Variants in UNC13C observed in about 807,000 individuals in gnomAD.
The protein encoded by UNC13C is protein unc-13 homolog C.
In UNC13C, 174 loss-of-function variants were observed where a neutral mutation model predicts 245.4. That is an observed-to-expected ratio of 0.71 (90% CI 0.63 to 0.80). UNC13C has a LOEUF of 0.80. Among genes scored for constraint, UNC13C ranks in the 30% least tolerant of loss-of-function variants. The pLI is 0.00. For missense variants in UNC13C, 2,829 were observed against 2,602.9 expected (o/e 1.09, Z -1.89); for synonymous variants, 992 against 895.1 (o/e 1.11, Z -1.93).
At chr15:53,961,569 G>T in the UNC13C span, among the ~76,000 whole-genome samples, 3 of 152,182 alleles carry the variant, frequency 2.0e-5, no homozygotes, top group African/African-American at 7.2e-5. Context: ...TTTGAATCTT[G>T]ATTTTCTTAC....
intron 17 of UNC13C, among the ~76,000 whole-genome samples, chr15:54,366,558 G>A (rs572220548): frequency 3.0e-4 from 45 of 151,792 alleles, no homozygotes; most frequent in Non-Finnish European, 5.3e-4. Context: ...TGATATCTTA[G>A]GTTTACAAGG....
intron 10 of UNC13C, among the ~76,000 whole-genome samples, chr15:54,281,382 G>T (rs767728403): frequency 3.9e-5 from 6 of 152,122 alleles, no homozygotes; most frequent in Non-Finnish European, 7.3e-5. Context: ...AGATCTTTCA[G>T]AAAAGGACAA....
chr15:54,564,794 T>C (rs1897438533), intron 29 of UNC13C, among the ~76,000 whole-genome samples: 6 of 152,028 alleles, frequency 3.9e-5, no homozygotes. Context: ...TAATAAGCGT[T>C]GGGAATTTTT....
the UNC13C span, among the ~76,000 whole-genome samples, chr15:53,845,418 C>T: frequency 6.6e-6 from 1 of 151,810 alleles, no homozygotes; most frequent in Non-Finnish European, 1.5e-5. Flanking sequence ...AGCCTCACAA[C>T]TAGAATCAGA....
At chr15:54,503,436 T>A (rs1466200946) in intron 22 of UNC13C, among the ~76,000 whole-genome samples, 1 of 12,790 alleles carries the variant, frequency 7.8e-5, no homozygotes, top group Non-Finnish European at 1.5e-4. Context: ...AGCCTTTCCT[T>A]TTTTTTTTTT....
chr15:54,123,599 T>A (rs1484839724), intron 2 of UNC13C, among the ~76,000 whole-genome samples: 2 of 152,070 alleles, frequency 1.3e-5, no homozygotes, highest in Non-Finnish European at 2.9e-5. Context: ...AAATTATGGA[T>A]TCATAGGAAG....
the UNC13C span, chr15:53,911,077 A>G: frequency 6.6e-6 from 1 of 152,212 alleles, no homozygotes; most frequent in Admixed American, 6.5e-5. Context: ...AGCACCAAGA[A>G]GGAATGCACC....
At chr15:54,531,851 C>G (rs1337752853) in intron 25 of UNC13C, among the ~76,000 whole-genome samples, 1 of 152,114 alleles carries the variant, frequency 6.6e-6, no homozygotes, top group Non-Finnish European at 1.5e-5. Context: ...CCTTTCCAGC[C>G]CTAGGAAACC....
At chr15:54,358,628 A>G (rs1387480543) in intron 17 of UNC13C, among the ~76,000 whole-genome samples, 2 of 152,228 alleles carry the variant, frequency 1.3e-5, no homozygotes, top group Non-Finnish European at 2.9e-5. Context: ...ATTGGTGTGT[A>G]GAAATGCAAC....
chr15:54,573,738 G>A (rs1897850808), intron 30 of UNC13C, among the ~76,000 whole-genome samples: 1 of 152,202 alleles, frequency 6.6e-6, no homozygotes, highest in Non-Finnish European at 1.5e-5. Flanking sequence ...ATCCTGGAGT[G>A]GTGGTCATGT....
intron 19 of UNC13C, among the ~76,000 whole-genome samples, chr15:54,438,374 A>G (rs1243147023): frequency 3.3e-5 from 5 of 152,004 alleles, no homozygotes; most frequent in African/African-American, 9.7e-5. Flanking sequence ...GTCCATGTCT[A>G]CAAGAGAGCT....
At chr15:54,381,658 G>A (rs1332082460) in intron 17 of UNC13C, among the ~76,000 whole-genome samples, 1 of 151,798 alleles carries the variant, frequency 6.6e-6, no homozygotes, top group Non-Finnish European at 1.5e-5. Context: ...TAATTTAGAT[G>A]TCTTTCACCT....
chr15:54,039,979 G>T (rs955606472), intron 2 of UNC13C, among the ~76,000 whole-genome samples: 1 of 151,834 alleles, frequency 6.6e-6, no homozygotes, highest in South Asian at 2.1e-4. Flanking sequence ...TCAAAACTCT[G>T]CAATGTGCCT....
chr15:54,483,977 C>G (rs1272459779), intron 19 of UNC13C, among the ~76,000 whole-genome samples: 1 of 151,980 alleles, frequency 6.6e-6, no homozygotes, highest in East Asian at 1.9e-4. Context: ...CACTCACACA[C>G]TTCCTGGCTA....
At chr15:54,328,413 G>C (rs971082065) in intron 14 of UNC13C, among the ~76,000 whole-genome samples, 5 of 151,936 alleles carry the variant, frequency 3.3e-5, no homozygotes, top group Non-Finnish European at 7.4e-5. Context: ...TTTGCTTGTC[G>C]TGTTCTGAAT....
At chr15:54,192,797 C>T (rs987786232) in intron 4 of UNC13C, among the ~76,000 whole-genome samples, 8 of 152,140 alleles carry the variant, frequency 5.3e-5, no homozygotes, top group African/African-American at 1.7e-4. Context: ...CCAGTCCTTT[C>T]TCATATATTG....
the UNC13C span, among the ~76,000 whole-genome samples, chr15:53,942,339 A>G: frequency 2.6e-5 from 4 of 152,256 alleles, no homozygotes; most frequent in African/African-American, 9.6e-5. Context: ...ATTTATAAGT[A>G]GGAGTTAAAT....
chr15:53,925,999 T>C, the UNC13C span, among the ~76,000 whole-genome samples: 1 of 152,202 alleles, frequency 6.6e-6, no homozygotes, highest in East Asian at 1.9e-4. Context: ...GAACACAACA[T>C]ATTTTTAAAA....
chr15:54,060,306 A>T (rs1408093044), intron 2 of UNC13C, among the ~76,000 whole-genome samples: 1 of 152,230 alleles, frequency 6.6e-6, no homozygotes, highest in Non-Finnish European at 1.5e-5. Flanking sequence ...AAGTGGGCAA[A>T]GGATATGAAC....
Sources: allele counts gnomAD v4.1 joint callset (sites outside exome capture counted in the v4.1 genomes callset), GRCh38; gene constraint gnomAD v4.1.1; transcripts MANE v1.5; gene names NCBI Gene and HGNC (gene_info 2026-07-23, HGNC 2026-07-21).